The following TMEM248 variants were observed in gnomAD, a reference collection of about 807,000 sequenced individuals.
The protein encoded by TMEM248 is transmembrane protein 248.
Under a neutral mutation model 30.3 loss-of-function variants are expected in TMEM248, and 9 were observed. The ratio of observed to expected loss-of-function variants is 0.30; its 90% confidence interval spans 0.18 to 0.52. TMEM248 has a LOEUF of 0.52. Ranked by LOEUF, TMEM248 falls within the 20% of genes least tolerant of loss-of-function variation. The pLI is 0.97. For synonymous variants in TMEM248, 184 were observed against 154.4 expected (o/e 1.19, Z -1.42); for missense variants, 338 against 403.3 (o/e 0.84, Z 1.39).
Position 66,951,091 on chromosome 7 carries a change from G to A in TMEM248, c.736G>A (p.Val246Ile). Residue 246 changes from valine (V) to isoleucine (I), a missense_variant, in exon 5 of 7, where the codon GTC becomes ATC. Transcript: ENST00000341567. The part of the protein sequence containing the change: ...FWCYKGAIGK[V>I]YHALNPKLTV... ...GTGTTATAAGGGGGCCATTGGAAAA[G>A]TCTATCATGCTTTAAATCCCAAGCT... 1 of 1,606,700 alleles carries A rather than the reference G, an allele frequency of 6.2e-7. No homozygotes were observed.
intron 1 of TMEM248, among the ~76,000 whole-genome samples, chr7:66,923,748 G>A (rs1288129392): frequency 5.9e-5 from 9 of 151,982 alleles, no homozygotes; most frequent in Non-Finnish European, 8.8e-5. Flanking sequence ...TGACGCAGTC[G>A]GCAACCTCTG....
At chr7:66,945,349 T>G in intron 3 of TMEM248, 88 bp downstream of exon 3, 1 of 1,374,968 alleles carries the variant, frequency 7.3e-7, no homozygotes, top group South Asian at 1.3e-5. Flanking sequence ...ACTGACTATA[T>G]TGTACTAGAT....
In TMEM248 at chr7:66,926,343, G is replaced by T. The variant is rs1278015476; in HGVS notation, c.-19+4882G>T. ...AATCCAATTGAAAAATGGGCAGCCA[G>T]GCACCGTGGCTTACGCCTGTAATGC... On this transcript the variant is annotated intron_variant, in intron 1 of 6. Coordinates refer to ENST00000341567, the MANE Select transcript of TMEM248 (RefSeq NM_017994.5). Among the ~76,000 whole-genome samples, 5 of 152,350 alleles carry T rather than the reference G, an allele frequency of 3.3e-5. No individual in the cohort carries two copies. The East Asian group carries it at 9.6e-4, about 29-fold the overall frequency.
chr7:66,943,815 G>C (rs1343027734), intron 2 of TMEM248, among the ~76,000 whole-genome samples: 3 of 149,512 alleles, frequency 2.0e-5, no homozygotes, highest in East Asian at 3.9e-4. Context: ...TTTTTGAGGT[G>C]GAGTGTCACT....
At chr7:66,939,466 G>A (rs1193878464) in intron 1 of TMEM248, among the ~76,000 whole-genome samples, 1 of 152,234 alleles carries the variant, frequency 6.6e-6, no homozygotes, top group African/African-American at 2.4e-5. Flanking sequence ...ATGTGTTGCT[G>A]TTGATTTTTA....
chr7:66,930,588 G>C (rs1791638498), intron 1 of TMEM248: 1 of 152,282 alleles, frequency 6.6e-6, no homozygotes. Context: ...TGTCTTCGTT[G>C]CTTCTCACTT....
chr7:66,952,205 C>G (rs1792285453), intron 5 of TMEM248, among the ~76,000 whole-genome samples: 1 of 151,990 alleles, frequency 6.6e-6, no homozygotes, highest in African/African-American at 2.4e-5. Flanking sequence ...TTCTAAGTAG[C>G]TGGGATTACA....
chr7:66,931,057 C>CTT (rs947105080), intron 1 of TMEM248, among the ~76,000 whole-genome samples: 1 of 151,994 alleles, frequency 6.6e-6, no homozygotes, highest in African/African-American at 2.4e-5. Context: ...AATCCCAGCA[C>CTT]TTTGGGAGGC....
Position 66,957,790 on chromosome 7 carries a change from A to G in TMEM248, c.*2268A>G, listed in dbSNP as rs919809697. On this transcript the variant is annotated 3_prime_UTR_variant, in exon 7 of 7. Coordinates refer to ENST00000341567, the MANE Select transcript of TMEM248 (RefSeq NM_017994.5). ...GGAATCTGTAGCTAGGGGAGGGGCA[A>G]CACTGTTAGATGTGAGGAAAGGAAG... The G allele has an allele frequency of 3.9e-5, 6 of 152,242 alleles. No homozygotes were observed. The highest frequency in any genetic ancestry group is 1.4e-4 in the African/African-American group (6 of 41,458). The allele number at this position is 152,242 out of a possible 1,614,324, so 9.4% of individuals were successfully genotyped here.
chr7:66,938,689 A>G (rs905489453), intron 1 of TMEM248, among the ~76,000 whole-genome samples: 1 of 151,998 alleles, frequency 6.6e-6, no homozygotes, highest in Non-Finnish European at 1.5e-5. Flanking sequence ...TGTATTTTTC[A>G]TAGAGACGGG....
intron 6 of TMEM248, 49 bp downstream of exon 6, chr7:66,953,418 A>G: frequency 6.3e-7 from 1 of 1,591,128 alleles, no homozygotes; most frequent in Non-Finnish European, 8.6e-7. Flanking sequence ...AGGTCTCTGT[A>G]TACAGAAAGT....
At chr7:66,944,824 G>T (rs1452658691) in intron 2 of TMEM248, 152 bp from the exon 3 acceptor site, 13 of 741,510 alleles carry the variant, frequency 1.8e-5, no homozygotes, top group Middle Eastern at 2.7e-4. Flanking sequence ...TGTGAAGAGG[G>T]TGGTGGCCGA....
At chr7:66,936,873 A>AC (rs1236947847) in intron 1 of TMEM248, among the ~76,000 whole-genome samples, 1 of 152,024 alleles carries the variant, frequency 6.6e-6, no homozygotes, top group Non-Finnish European at 1.5e-5. Flanking sequence ...GGTTCAAAAC[A>AC]CCAACTCTTT....
chr7:66,938,320 T>A (rs540940090), intron 1 of TMEM248, among the ~76,000 whole-genome samples: 1 of 152,190 alleles, frequency 6.6e-6, no homozygotes, highest in South Asian at 2.1e-4. Flanking sequence ...TTATTTTTTA[T>A]GTATCTGTTA....
chr7:66,930,977 C>A (rs1346673431), intron 1 of TMEM248: 1 of 152,570 alleles, frequency 6.6e-6, no homozygotes, highest in African/African-American at 2.4e-5. Flanking sequence ...TCAGAAACTT[C>A]CCATTTAACC....
At position 66,942,785 on chromosome 7, in the gene TMEM248, C is replaced by T. The variant is rs543770954; in HGVS notation, c.159+761C>T. On this transcript the variant is annotated intron_variant, in intron 2 of 6. Transcript: ENST00000341567. ...TGCTGGGATTACCGGTGTGAGCCAC[C>T]GCATCCAGCCTAATTCCTGTCTTTT... Among the ~76,000 whole-genome samples, 172 of 151,606 alleles carry T rather than the reference C, an allele frequency of 1.1e-3. 1 individual carries two copies. Among genetic ancestry groups the T allele is most frequent in the African/African-American group, 3.6e-3 (149 of 41,342 alleles).
At chr7:66,939,081 A>AT (rs1791880519) in intron 1 of TMEM248, among the ~76,000 whole-genome samples, 1 of 152,234 alleles carries the variant, frequency 6.6e-6, no homozygotes, top group Admixed American at 6.5e-5. Context: ...TAGAGATATC[A>AT]TTTCACATCT....
intron 1 of TMEM248, among the ~76,000 whole-genome samples, chr7:66,940,110 T>A (rs566186287): frequency 6.8e-4 from 104 of 152,260 alleles, no homozygotes; most frequent in South Asian, 6.2e-4. Context: ...TGCACCACTA[T>A]ACCTGGCTAA....
chr7:66,945,776 C>A (rs1195834701), intron 3 of TMEM248, among the ~76,000 whole-genome samples: 4 of 152,116 alleles, frequency 2.6e-5, no homozygotes, highest in African/African-American at 9.7e-5. Context: ...CATGGTGAAA[C>A]CCCATCACTA....
Sources: gnomAD v4.1 joint callset for allele counts (sites outside exome capture counted in the v4.1 genomes callset) on GRCh38, gnomAD v4.1.1 for gene constraint, MANE v1.5 for transcripts, NCBI Gene and HGNC (gene_info 2026-07-23, HGNC 2026-07-21) for gene names.